FNDC1: variants seen among roughly 807,000 people sequenced by gnomAD.
FNDC1 encodes the protein fibronectin type III domain containing 1, also known as fibronectin type III domain-containing protein 1.
A neutral mutation model predicts 168.0 loss-of-function variants in FNDC1; 96 were observed. That is an observed-to-expected ratio of 0.57 (90% CI 0.48 to 0.68). FNDC1 has a LOEUF of 0.68. Ranked by LOEUF, FNDC1 falls within the 30% of genes least tolerant of loss-of-function variation. The probability of loss-of-function intolerance (pLI) is 0.00; values close to 1 mark genes in which losing one functional copy is unlikely to be tolerated. For synonymous variants in FNDC1, 1,099 were observed against 1,025.9 expected, an observed-to-expected ratio of 1.07 and a Z score of -1.36; for missense variants, 2,587 against 2,482.1, an observed-to-expected ratio of 1.04 and a Z score of -0.90.
Position 159,271,419 on chromosome 6 carries a change from G to T in FNDC1, c.5662G>T (p.Val1888Phe). 3.7e-6 allele frequency: 6 copies of T among 1,610,722 alleles called. No individual in the cohort carries two copies. The highest frequency in any genetic ancestry group is 1.1e-5 in the South Asian group (1 of 90,042). The change falls in exon 23 of 23, where the codon GTC becomes TTC. Residue 1888 changes from valine (V) to phenylalanine (F), a missense_variant. Coordinates refer to ENST00000297267, the MANE Select transcript of FNDC1 (RefSeq NM_032532.3). The stretch of plus-strand genomic sequence containing the variant: ...CTATGTGGGCTGGTACGAGTGTGGG[G>T]TCTCCATCCCTGGAAAGTGGTAATC... ...YYYVGWYECG[V>F]SIPGKW
chr6:159,261,428 G>T (rs1203007833), intron 19 of FNDC1, among the ~76,000 whole-genome samples, 159 bp downstream of exon 19: 1 of 152,162 alleles, frequency 6.6e-6, no homozygotes, highest in Non-Finnish European at 1.5e-5. Flanking sequence ...TTTGTGCTAG[G>T]TTAAAACTTG....
intron 22 of FNDC1, among the ~76,000 whole-genome samples, chr6:159,270,016 C>T (rs1018357907): frequency 7.2e-5 from 11 of 152,176 alleles, no homozygotes; most frequent in Non-Finnish European, 1.3e-4. Flanking sequence ...ATAGTGAGAC[C>T]CCATCTCTAC....
rs768404458 is a variant in FNDC1 at position 159,233,099 on chromosome 6, T to C, written c.2587T>C (p.Ser863Pro). ...VPSRAHPRVPSHSDSHPKLSS... is the reference protein window; with the variant it reads ...VPSRAHPRVPPHSDSHPKLSS... ...CTCCCGAGCCCACCCCAGGGTTCCC[T>C]CTCACTCTGATTCCCACCCTAAGCT... Residue 863 changes from serine to proline, a missense_variant, in exon 11 of 23, where the codon TCT (serine) becomes CCT (proline). Coordinates refer to ENST00000297267, the MANE Select transcript of FNDC1 (RefSeq NM_032532.3). The surrounding 1 kb of genome is among the most constrained non-coding windows in gnomAD (Gnocchi z 4.6). 6.7e-7 allele frequency: 1 copy of C among 1,502,076 alleles called. No individual in the cohort carries two copies. The highest frequency in any genetic ancestry group is 1.4e-5 in the African/African-American group (1 of 70,730). The allele number at this position is 1,502,076 out of a possible 1,614,324, so 93.0% of individuals were successfully genotyped here.
rs139021743 is a variant in FNDC1 at position 159,204,802 on chromosome 6, C to G, written c.460+4221C>G. On this transcript the variant is annotated intron_variant, in intron 4 of 22. Transcript: ENST00000297267. ...CCAGGTCCTCAGTGCTGCTTGGCCA[C>G]TTCCTGATTGTCCTCACACAGTTTC... is the stretch of plus-strand genomic sequence containing the variant. Among the ~76,000 whole-genome samples the G allele has an allele frequency of 2.8e-3, 431 of 152,338 alleles. 2 individuals are homozygous for G. The highest frequency in any genetic ancestry group is 1.0e-2 in the African/African-American group (415 of 41,580).
At chr6:159,171,110 T>A (rs986611482) in intron 1 of FNDC1, among the ~76,000 whole-genome samples, 2 of 150,738 alleles carry the variant, frequency 1.3e-5, no homozygotes, top group African/African-American at 4.9e-5. Flanking sequence ...AGCGGGGTTG[T>A]TTGTGAGAGC....
At chr6:159,256,959 C>T (rs1396918328) in intron 18 of FNDC1, among the ~76,000 whole-genome samples, 3 of 152,208 alleles carry the variant, frequency 2.0e-5, no homozygotes, top group Non-Finnish European at 4.4e-5. Context: ...CACTAGGCAT[C>T]ATGACCTTCA....
chr6:159,239,599 C>G lies in FNDC1; in HGVS notation c.4263C>G (p.Ala1421=). The part of the protein sequence containing the change: ...QGRHGTPLAN[A]QDKPILSLGG... ...GACATGGCACACCTCTGGCCAATGC[C>G]CAAGATAAGCCAATTTTGAGTCTTG... Residue 1421 remains alanine, a synonymous_variant, in exon 14 of 23, where the codon GCC becomes GCG. Coordinates refer to ENST00000297267, the MANE Select transcript of FNDC1 (RefSeq NM_032532.3). 2 of 1,583,220 alleles carry G rather than the reference C, an allele frequency of 1.3e-6. No individual in the cohort carries two copies. Among genetic ancestry groups the G allele is most frequent in the South Asian group, 2.3e-5 (2 of 86,548 alleles).
rs1008592204 is a variant in FNDC1 at position 159,266,633 on chromosome 6, A to G, written c.5446+388A>G. Reference sequence around the variant, plus strand: ...AAAAATTCACTATGTCTTAGGAATGACATAGTGACTGGCTATGTCATTCCA... The same window carrying G: ...AAAAATTCACTATGTCTTAGGAATGGCATAGTGACTGGCTATGTCATTCCA... On this transcript the variant is annotated intron_variant, in intron 21 of 22. Transcript: ENST00000297267. Among the ~76,000 whole-genome samples the G allele has an allele frequency of 4.0e-4, 61 of 151,838 alleles. 1 individual carries two copies. The highest frequency in any genetic ancestry group is 3.9e-3 in the Admixed American group (60 of 15,246).
At chr6:159,207,425 A>G (rs575260066) in intron 4 of FNDC1, among the ~76,000 whole-genome samples, 33 of 152,284 alleles carry the variant, frequency 2.2e-4, no homozygotes, top group Admixed American at 2.0e-3. Context: ...AAGAACCTAC[A>G]GTAGTTTAAT....
At chr6:159,242,065 A>G (rs1393263982) in intron 14 of FNDC1, among the ~76,000 whole-genome samples, 1 of 152,248 alleles carries the variant, frequency 6.6e-6, no homozygotes, top group Non-Finnish European at 1.5e-5. Flanking sequence ...TCACAATAGC[A>G]AAGAGATGGA....
In FNDC1 at chr6:159,234,209, C is replaced by A; in HGVS notation, c.3697C>A (p.Arg1233Ser). Residue 1233 changes from arginine to serine, a missense_variant, in exon 11 of 23, where the codon CGC (arginine) becomes AGC (serine). Arg to Ser is a moderately radical substitution (Grantham distance 110). Coordinates refer to ENST00000297267, the MANE Select transcript of FNDC1 (RefSeq NM_032532.3). ...GGAGCCTGCCATCGCGCTTGCCCCT[C>A]GCGGAGGGAGCCTGGCTCCTGTGAA... ...EREPAIALAP[R>S]GGSLAPVKRP... 1 of 1,596,280 alleles carries A rather than the reference C, an allele frequency of 6.3e-7. No individual in the cohort carries two copies. Among genetic ancestry groups the A allele is most frequent in the Non-Finnish European group, 8.5e-7 (1 of 1,171,450 alleles).
At chr6:159,242,876 AT>A (rs202230239) in intron 14 of FNDC1, among the ~76,000 whole-genome samples, 32 of 152,166 alleles carry the variant, frequency 2.1e-4, no homozygotes, top group African/African-American at 7.0e-4. Context: ...TCAGTACTTC[AT>A]TTTTTTTATT....
In FNDC1 at chr6:159,233,863, A is replaced by G. The variant is rs545849366; in HGVS notation, c.3351A>G (p.Thr1117=). Residue 1117 remains threonine (T), a synonymous_variant, in exon 11 of 23, where the codon ACA becomes ACG. Coordinates refer to ENST00000297267, the MANE Select transcript of FNDC1 (RefSeq NM_032532.3). The surrounding 1 kb of genome is among the most constrained non-coding windows in gnomAD (Gnocchi z 4.6). ...AGCACCAGCAGGTGGAGTCTCCCACAGGCGCAGGGGCAGGTGGCGACCACA... is the reference window on the plus strand; with the variant it reads ...AGCACCAGCAGGTGGAGTCTCCCACGGGCGCAGGGGCAGGTGGCGACCACA... ...LPKHQQVESP[T]GAGAGGDHRS... 7.8e-6 allele frequency: 12 copies of G among 1,547,056 alleles called. No homozygotes were observed. The highest frequency in any genetic ancestry group is 1.4e-5 in the African/African-American group (1 of 73,052).
intron 4 of FNDC1, among the ~76,000 whole-genome samples, chr6:159,211,224 G>T (rs2114962729): frequency 6.6e-6 from 1 of 152,302 alleles, no homozygotes; most frequent in East Asian, 1.9e-4. Context: ...GAAGTTGGTG[G>T]TCAGCGCAGT....
chr6:159,247,027 G>T (rs2115009951), intron 15 of FNDC1, 58 bp downstream of exon 15: 1 of 1,235,302 alleles, frequency 8.1e-7, no homozygotes, highest in South Asian at 1.2e-5. Context: ...CAAAGGATCT[G>T]ATTGTAACTA....
chr6:159,262,724 C>T (rs947032139), intron 19 of FNDC1, among the ~76,000 whole-genome samples: 1 of 152,160 alleles, frequency 6.6e-6, no homozygotes, highest in African/African-American at 2.4e-5. Flanking sequence ...TGTCTTCTAC[C>T]TTCTCCTCCA....
intron 22 of FNDC1, among the ~76,000 whole-genome samples, chr6:159,270,376 T>C (rs1332581055): frequency 1.3e-5 from 2 of 152,232 alleles, no homozygotes; most frequent in Non-Finnish European, 2.9e-5. Flanking sequence ...CCTAGTCCAG[T>C]TGACACATAA....
In FNDC1 at chr6:159,233,710, G is replaced by A; in HGVS notation, c.3198G>A (p.Thr1066=). 1 of 1,549,570 alleles carries A rather than the reference G, an allele frequency of 6.5e-7. No individual in the cohort carries two copies. The highest frequency in any genetic ancestry group is 1.2e-5 in the South Asian group (1 of 84,014). ...YTASSRGMLP[T]ALQNQDEDAQ... is the part of the protein sequence containing the mutation. Reference sequence around the variant, plus strand: ...CGAGCTCCAGAGGGATGCTCCCCACGGCCCTCCAGAACCAGGACGAGGATG... The same window carrying A: ...CGAGCTCCAGAGGGATGCTCCCCACAGCCCTCCAGAACCAGGACGAGGATG... Residue 1066 remains threonine, a synonymous_variant, in exon 11 of 23, where the codon ACG becomes ACA. Coordinates refer to ENST00000297267, the MANE Select transcript of FNDC1 (RefSeq NM_032532.3). This position sits in a 1 kb window ranked among gnomAD's most constrained non-coding sequence, Gnocchi z 4.6.
At chr6:159,210,465 G>A (rs1782579577) in intron 4 of FNDC1, among the ~76,000 whole-genome samples, 1 of 152,168 alleles carries the variant, frequency 6.6e-6, no homozygotes, top group African/African-American at 2.4e-5. Context: ...CTGTTAACTA[G>A]CTGGGCCTAA....
Sources: allele counts gnomAD v4.1 joint callset (sites outside exome capture counted in the v4.1 genomes callset), GRCh38; gene constraint gnomAD v4.1.1; non-coding constraint Gnocchi (gnomAD v3.1); transcripts MANE v1.5; gene names NCBI Gene and HGNC (gene_info 2026-07-23, HGNC 2026-07-21).